The following ACOT9 variants were observed in gnomAD, a reference collection of about 807,000 sequenced individuals.
The protein encoded by ACOT9 is acyl-coenzyme A thioesterase 9, mitochondrial.
Under a neutral mutation model 39.7 loss-of-function variants are expected in ACOT9, and 34 were observed. The ratio of observed to expected loss-of-function variants is 0.86; its 90% confidence interval spans 0.65 to 1.14. The LOEUF is 1.14. ACOT9 is among the 50% of genes most tolerant of loss of function. The pLI is 0.00. For synonymous variants in ACOT9, 110 were observed against 120.5 expected, an observed-to-expected ratio of 0.91 and a Z score of 0.57; for missense variants, 313 against 344.1, an observed-to-expected ratio of 0.91 and a Z score of 0.71.
chrX:23,708,602 G>T (rs1468101814), intron 9 of ACOT9, among the ~76,000 whole-genome samples: 2 of 108,635 alleles, frequency 1.8e-5, no homozygotes, highest in Non-Finnish European at 3.8e-5. Flanking sequence ...ATTTTTGAAA[G>T]ACAGCAAATG....
At chrX:23,723,319 G>A (rs964591622) in intron 6 of ACOT9, among the ~76,000 whole-genome samples, 6 of 111,520 alleles carry the variant, frequency 5.4e-5, no homozygotes, top group Admixed American at 9.6e-5. Context: ...ATTTAAAGTC[G>A]TATAATTATA....
chrX:23,701,936 G>A lies in ACOT9; in HGVS notation c.*1958C>T, dbSNP rs1044164701. On this transcript the variant is annotated 3_prime_UTR_variant, in exon 16 of 16. Transcript: ENST00000379303. ...AAAAATACAAAAACTAGCCAGGCAT[G>A]GGGGCTGACACCTGTAATCCTAGCT... 9.1e-6 allele frequency among the ~76,000 whole-genome samples: 1 copy of A among 110,251 alleles called. No homozygotes were observed. Among genetic ancestry groups the A allele is most frequent in the African/African-American group, 3.3e-5 (1 of 30,353 alleles).
In ACOT9 at chrX:23,724,100, C is replaced by T. The variant is rs540933179; in HGVS notation, c.401-1347G>A. 4.6e-4 allele frequency among the ~76,000 whole-genome samples: 51 copies of T among 109,870 alleles called. No homozygotes were observed. In the South Asian group the frequency reaches 0.019, roughly 42 times the overall value. ...CAACACAGCAGAGACTCCATCTCTA[C>T]CAAAAACACAAAAGTTAGCCAGGTG... On this transcript the variant is annotated intron_variant, in intron 6 of 15. Coordinates refer to ENST00000379303, the MANE Select transcript of ACOT9 (RefSeq NM_001037171.2).
At position 23,734,001 on chromosome X, in the gene ACOT9, T is replaced by C. The variant is rs180910811; in HGVS notation, c.145+340A>G. Among the ~76,000 whole-genome samples the C allele has an allele frequency of 4.5e-5, 5 of 111,843 alleles. No homozygotes were observed. In the East Asian group the frequency reaches 1.4e-3, roughly 31 times the overall value. The stretch of plus-strand genomic sequence containing the variant: ...GTCTTGAACTCCTGACCTCAGGTGA[T>C]CCGCCTGCCTCGGCCTCCCAAAGTG... On this transcript the variant is annotated intron_variant, in intron 3 of 15. Coordinates refer to ENST00000379303, the MANE Select transcript of ACOT9 (RefSeq NM_001037171.2).
At chrX:23,720,112 C>G (rs927730196) in intron 8 of ACOT9, among the ~76,000 whole-genome samples, 1 of 112,983 alleles carries the variant, frequency 8.9e-6, no homozygotes, top group South Asian at 3.6e-4. Context: ...GGATTACAGG[C>G]GTGAGCCACC....
chrX:23,713,746 C>T (rs752086925), intron 8 of ACOT9, among the ~76,000 whole-genome samples: 2 of 109,841 alleles, frequency 1.8e-5, no homozygotes, highest in African/African-American at 6.6e-5. Context: ...AAAGTCCAAT[C>T]GGGGGCTGGG....
intron 6 of ACOT9, among the ~76,000 whole-genome samples, chrX:23,730,155 C>T (rs1404228552): frequency 1.1e-5 from 1 of 91,118 alleles, no homozygotes; most frequent in East Asian, 3.5e-4. Flanking sequence ...AGTGCAATGG[C>T]ACGATCTCAG....
intron 8 of ACOT9, among the ~76,000 whole-genome samples, chrX:23,719,840 C>CTT (rs1569193469): frequency 2.2e-5 from 1 of 44,558 alleles, no homozygotes; most frequent in East Asian, 7.7e-4. Flanking sequence ...ATGAATAAGT[C>CTT]ATTTTTTTTT....
intron 15 of ACOT9, among the ~76,000 whole-genome samples, 164 bp downstream of exon 15, chrX:23,704,527 GCCA>G (rs1178712660): frequency 9.1e-6 from 1 of 110,449 alleles, no homozygotes; most frequent in African/African-American, 3.3e-5. Flanking sequence ...CCGCCTGGGG[GCCA>G]CAGGCATCTT....
intron 6 of ACOT9, among the ~76,000 whole-genome samples, chrX:23,726,640 G>A (rs1358291380): frequency 1.9e-5 from 2 of 104,593 alleles, no homozygotes; most frequent in African/African-American, 7.1e-5. Context: ...AGTGTGAGGT[G>A]TTATAAGGAA....
intron 8 of ACOT9, among the ~76,000 whole-genome samples, chrX:23,720,125 G>A (rs376239437): frequency 3.4e-4 from 38 of 113,069 alleles, no homozygotes; most frequent in South Asian, 1.4e-3. Context: ...GAGCCACCGC[G>A]CCCAGCCAGT....
intron 1 of ACOT9, among the ~76,000 whole-genome samples, chrX:23,740,762 A>ACACACC (rs1274920170): frequency 1.5e-4 from 13 of 87,659 alleles, no homozygotes; most frequent in Non-Finnish European, 2.2e-4. Flanking sequence ...ACACACACAC[A>ACACACC]CCGCACTGAG....
intron 6 of ACOT9, among the ~76,000 whole-genome samples, chrX:23,723,305 A>C (rs1929382778): frequency 9.0e-6 from 1 of 111,629 alleles, no homozygotes; most frequent in Non-Finnish European, 1.9e-5. Context: ...ACAGATATCA[A>C]CTCATTTAAA....
intron 2 of ACOT9, among the ~76,000 whole-genome samples, chrX:23,734,814 C>T (rs1370734349): frequency 3.7e-5 from 4 of 107,869 alleles, no homozygotes; most frequent in Non-Finnish European, 7.7e-5. Flanking sequence ...GGTGAAACCC[C>T]GTCTCTACTA....
intron 9 of ACOT9, among the ~76,000 whole-genome samples, chrX:23,708,654 T>C (rs1255960608): frequency 1.8e-5 from 2 of 111,053 alleles, no homozygotes; most frequent in East Asian, 2.8e-4. Flanking sequence ...CCAAATGCAA[T>C]ATACAATCCT....
At chrX:23,705,729 G>A (rs755414652) in intron 12 of ACOT9, 39 bp downstream of exon 12, 13 of 1,152,078 alleles carry the variant, frequency 1.1e-5, no homozygotes, top group Non-Finnish European at 1.2e-5. Flanking sequence ...ATCATGAACG[G>A]AAGCTATCCT....
intron 12 of ACOT9, 54 bp from the exon 13 acceptor site, chrX:23,705,648 T>A (rs988486507): frequency 8.8e-7 from 1 of 1,137,172 alleles, no homozygotes; most frequent in African/African-American, 1.8e-5. Flanking sequence ...CACCTTTGTA[T>A]ACAGAACAGA....
rs1920976576 is a variant in ACOT9 at position 23,742,230 on chromosome X, G to GAGAGAGAGAGAGAA, written c.20+894_20+895insTTCTCTCTCTCTCT. Among the ~76,000 whole-genome samples, 5 of 49,150 alleles carry GAGAGAGAGAGAGAA rather than the reference G, an allele frequency of 1.0e-4. No homozygotes were observed. The Admixed American group carries it at 1.2e-3, about 12-fold the overall frequency. The allele number at this position is 49,150 out of a possible 115,157, so 42.7% of individuals were successfully genotyped here. On this transcript the variant is annotated intron_variant, in intron 1 of 15. Transcript: ENST00000379303. ...TGAGTGAGTGAGAGAGAGAGAGAGA[G>GAGAGAGAGAGAGAA]AGAGAGGGAGAGAGAGAGAGAGAGA...
chrX:23,735,240 CAAAAAAAAAAAAAAAAAAA>C (rs35950361), intron 2 of ACOT9, among the ~76,000 whole-genome samples: 4 of 29,164 alleles, frequency 1.4e-4, no homozygotes, highest in Admixed American at 6.0e-4. Context: ...GACTCCATCC[CAAAAAAAAAAAAAAAAAAA>C]AAAAAAAAAA....
Sources: gnomAD v4.1 joint callset for allele counts (sites outside exome capture counted in the v4.1 genomes callset) on GRCh38, gnomAD v4.1.1 for gene constraint, MANE v1.5 for transcripts, NCBI Gene and HGNC (gene_info 2026-07-23, HGNC 2026-07-21) for gene names.